NBPF12: variants seen among roughly 807,000 people sequenced by gnomAD.
NBPF12 encodes the protein NBPF member 12, also known as NBPF family member NBPF12.
NBPF12 carries 115 observed loss-of-function variants against 146.4 expected under a neutral mutation model. That is an observed-to-expected ratio of 0.79 (90% CI 0.68 to 0.92). NBPF12 has a LOEUF of 0.92. Among genes scored for constraint, NBPF12 ranks in the 40% least tolerant of loss-of-function variants. NBPF12 has a pLI of 0.00. For synonymous variants in NBPF12, 385 were observed against 508.9 expected (o/e 0.76, Z 3.28); for missense variants, 1,205 against 1,326.8 (o/e 0.91, Z 1.43).
At chr1:146,944,840 CTCTT>C (rs1435407824), upstream of NBPF12, among the ~76,000 whole-genome samples, 19 of 150,770 alleles carry the variant, frequency 1.3e-4, no homozygotes, top group East Asian at 2.3e-3. Flanking sequence ...CCCTCCCACT[CTCTT>C]TCTCTCTCTC....
chr1:146,995,598 C>G (rs1658493589), exon 34 of NBPF12: 1 of 151,450 alleles, frequency 6.6e-6, no homozygotes, highest in Admixed American at 6.6e-5. Context: ...CTCTCTGGCT[C>G]AATGATCTAC....
intron 4 of NBPF12, among the ~76,000 whole-genome samples, chr1:146,961,787 C>G (rs1428879158): frequency 6.6e-6 from 1 of 151,900 alleles, no homozygotes; most frequent in Non-Finnish European, 1.5e-5. Context: ...GCCTTCCCGA[C>G]TGTACAAGAA....
chr1:146,963,269 G>T, exon 6 of NBPF12: 2 of 1,611,982 alleles, frequency 1.2e-6, no homozygotes, highest in Middle Eastern at 2.1e-4. Context: ...TGGCTGAGGG[G>T]TGTAGACTGG....
At chr1:146,956,697 T>G in intron 2 of NBPF12, among the ~76,000 whole-genome samples, 1 of 150,158 alleles carries the variant, frequency 6.7e-6, no homozygotes, top group East Asian at 2.0e-4. Flanking sequence ...AATAAATATA[T>G]ATCATGTTCA....
intron 16 of NBPF12, among the ~76,000 whole-genome samples, 173 bp from the exon 20 acceptor site, chr1:146,976,756 G>A (rs1177077299): frequency 6.6e-6 from 1 of 150,614 alleles, no homozygotes; most frequent in African/African-American, 2.5e-5. Flanking sequence ...GAAATGCATT[G>A]CCTGATGGAC....
intron 1 of NBPF12, among the ~76,000 whole-genome samples, chr1:146,950,657 T>C: frequency 6.6e-6 from 1 of 152,162 alleles, no homozygotes. Flanking sequence ...TCAAAATGTT[T>C]TTGAGATTCA....
intron 1 of NBPF12, among the ~76,000 whole-genome samples, chr1:146,950,013 A>G (rs1448626608): frequency 1.3e-5 from 2 of 152,088 alleles, no homozygotes; most frequent in Non-Finnish European, 1.5e-5. Flanking sequence ...ACTGGCATAT[A>G]ACAACATAGT....
chr1:146,942,133 C>T (rs1371718125), intron 1 of NBPF12, among the ~76,000 whole-genome samples: 5 of 151,206 alleles, frequency 3.3e-5, no homozygotes, highest in South Asian at 4.2e-4. Context: ...GCTGGGATTA[C>T]GGCATGCACC....
chr1:146,967,836 T>C (rs1656304698), intron 9 of NBPF12, among the ~76,000 whole-genome samples: 1 of 150,726 alleles, frequency 6.6e-6, no homozygotes, highest in Non-Finnish European at 1.5e-5. Context: ...TAAACACTAT[T>C]AGTTCTTCAT....
chr1:146,981,596 G>T (rs1269005026), intron 19 of NBPF12, among the ~76,000 whole-genome samples: 35 of 151,542 alleles, frequency 2.3e-4, no homozygotes, highest in Non-Finnish European at 1.6e-4. Context: ...TTTGAATGTT[G>T]GCCTTCCTTG....
chr1:146,970,135 G>A (rs1276629764), intron 11 of NBPF12, among the ~76,000 whole-genome samples: 1 of 150,726 alleles, frequency 6.6e-6, no homozygotes, highest in Non-Finnish European at 1.5e-5. Context: ...TGATGTGGGG[G>A]CATTTGGTGG....
At chr1:146,947,748 T>G (rs1655135389), upstream of NBPF12, among the ~76,000 whole-genome samples, 1 of 147,102 alleles carries the variant, frequency 6.8e-6, no homozygotes, top group Non-Finnish European at 1.5e-5. Context: ...TGTTTGGGAC[T>G]TTATGTAGTG....
At chr1:146,944,266 C>G (rs1178805120) in intron 2 of NBPF12, among the ~76,000 whole-genome samples, 3 of 133,452 alleles carry the variant, frequency 2.2e-5, no homozygotes, top group Non-Finnish European at 3.2e-5. Context: ...GCTAGAGGCC[C>G]CATAATGAGT....
At chr1:146,945,554 A>C (rs1474546220), upstream of NBPF12, among the ~76,000 whole-genome samples, 1 of 151,590 alleles carries the variant, frequency 6.6e-6, no homozygotes, top group Non-Finnish European at 1.5e-5. Context: ...CTTCAATGCC[A>C]AGTACTAACC....
chr1:146,939,033 C>G (rs1654657385), intron 1 of NBPF12, 21 bp downstream of exon 1: 1 of 152,252 alleles, frequency 6.6e-6, no homozygotes, highest in Admixed American at 6.5e-5. Context: ...GACCTGCGGG[C>G]GCACAGCTGG....
At chr1:146,951,964 A>G (rs1425184257) in intron 2 of NBPF12, 2 of 162,750 alleles carry the variant, frequency 1.2e-5, no homozygotes, top group African/African-American at 4.8e-5. Context: ...GCCTTAGGAT[A>G]CATGCTTCCA....
At chr1:146,947,417 C>CT, upstream of NBPF12, among the ~76,000 whole-genome samples, 1 of 145,598 alleles carries the variant, frequency 6.9e-6, no homozygotes. Context: ...GAAGGGTTGA[C>CT]TTTCAGTTTG....
chr1:146,977,599 G>A, exon 18 of NBPF12: 1 of 1,609,824 alleles, frequency 6.2e-7, no homozygotes, highest in South Asian at 1.1e-5. Flanking sequence ...ATTTGAGGAA[G>A]ACAAAGTCGA....
At chr1:146,957,987 G>A (rs1482321690) in intron 2 of NBPF12, among the ~76,000 whole-genome samples, 16,788 of 115,424 alleles carry the variant, frequency 0.15, 3,478 homozygotes, top group East Asian at 0.38. Context: ...ATATGTGTGT[G>A]TATATATATA....
Sources: gnomAD v4.1 joint callset for allele counts (sites outside exome capture counted in the v4.1 genomes callset) on GRCh38, gnomAD v4.1.1 for gene constraint, MANE v1.5 for transcripts, NCBI Gene and HGNC (gene_info 2026-07-23, HGNC 2026-07-21) for gene names.